The following DGKI variants were observed in gnomAD, a reference collection of about 807,000 sequenced individuals.
DGKI encodes the protein diacylglycerol kinase iota.
DGKI carries 55 observed loss-of-function variants against 147.5 expected under a neutral mutation model. The observed-to-expected ratio is 0.37, with a 90% CI of 0.30 to 0.47. The LOEUF is 0.47. Among genes scored for constraint, DGKI ranks in the 20% least tolerant of loss-of-function variants. DGKI has a pLI of 1.00. For missense variants in DGKI, 1,007 were observed against 1,323.8 expected, an observed-to-expected ratio of 0.76 and a Z score of 3.71; for synonymous variants, 469 against 477.1, an observed-to-expected ratio of 0.98 and a Z score of 0.22.
chr7:137,497,608 C>A (rs1482203094), intron 21 of DGKI, among the ~76,000 whole-genome samples: 1 of 151,856 alleles, frequency 6.6e-6, no homozygotes, highest in Non-Finnish European at 1.5e-5. Flanking sequence ...TACTACATAG[C>A]CATTAAAAAA....
intron 3 of DGKI, among the ~76,000 whole-genome samples, chr7:137,659,768 TA>T (rs1157499606): frequency 6.6e-6 from 1 of 152,140 alleles, no homozygotes; most frequent in East Asian, 1.9e-4. Flanking sequence ...TCGTCTCTAC[TA>T]AAAATACAAA....
intron 1 of DGKI, among the ~76,000 whole-genome samples, chr7:137,812,875 T>C (rs1295773161): frequency 1.3e-5 from 2 of 152,168 alleles, no homozygotes; most frequent in Non-Finnish European, 2.9e-5. Context: ...GCAATAACAA[T>C]ACAGGATGTC....
intron 1 of DGKI, among the ~76,000 whole-genome samples, chr7:137,778,321 A>G (rs543976444): frequency 2.6e-5 from 4 of 152,338 alleles, no homozygotes; most frequent in Non-Finnish European, 4.4e-5. Flanking sequence ...AAATGGTTCA[A>G]TAAAGCCAGA....
intron 20 of DGKI, among the ~76,000 whole-genome samples, chr7:137,527,175 A>G (rs953548660): frequency 1.3e-5 from 2 of 151,914 alleles, no homozygotes; most frequent in African/African-American, 4.8e-5. Flanking sequence ...TGTAGTGAGC[A>G]CTAAATGAGA....
intron 28 of DGKI, among the ~76,000 whole-genome samples, chr7:137,412,434 T>C (rs917496285): frequency 1.3e-5 from 2 of 152,134 alleles, no homozygotes; most frequent in African/African-American, 4.8e-5. Flanking sequence ...CCAGCCTTGG[T>C]ACAGTAAATA....
chr7:137,691,546 CA>C lies in DGKI; in HGVS notation c.402-1545del, dbSNP rs570102524. On this transcript the variant is annotated intron_variant, in intron 1 of 32. Coordinates refer to ENST00000614521, the MANE Select transcript of DGKI (RefSeq NM_001321708.2). ...TCCCCAAAGGAAAAGAAACTTGCCC[CA>C]TATAAACGGGAAGGAATAGGAACAG... 1.2e-4 allele frequency among the ~76,000 whole-genome samples: 18 copies of C among 152,268 alleles called. No homozygotes were observed. The South Asian group carries it at 3.7e-3, about 32-fold the overall frequency.
rs1323120316 is a variant in DGKI at position 137,466,939 on chromosome 7, G to T, written c.2447C>A (p.Thr816Asn). 1 of 1,614,000 alleles carries T rather than the reference G, an allele frequency of 6.2e-7. No individual in the cohort carries two copies. Among genetic ancestry groups the T allele is most frequent in the African/African-American group, 1.3e-5 (1 of 74,924 alleles). Residue 816 changes from threonine to asparagine, a missense_variant, in exon 25 of 33, where the codon ACT (threonine) becomes AAT (asparagine). Transcript: ENST00000614521. ...LSPRWCFLDA[T>N]SADRFYRIDR... ...TATTCGATAAAAGCGATCAGCAGAA[G>T]TTGCTAGGGGAAAAAAAATGCAGAT...
chr7:137,625,511 G>T (rs1185894332), intron 6 of DGKI, among the ~76,000 whole-genome samples: 2 of 152,054 alleles, frequency 1.3e-5, no homozygotes, highest in East Asian at 1.9e-4. Context: ...AAGGCTGCTT[G>T]CAAGGTTGGC....
intron 28 of DGKI, among the ~76,000 whole-genome samples, chr7:137,418,095 C>A (rs1448706521): frequency 6.6e-6 from 1 of 152,188 alleles, no homozygotes; most frequent in East Asian, 1.9e-4. Context: ...CATGGAGTTA[C>A]ATTTTGGCAA....
intron 28 of DGKI, among the ~76,000 whole-genome samples, chr7:137,421,253 A>T (rs1483964460): frequency 2.0e-5 from 3 of 152,180 alleles, no homozygotes; most frequent in African/African-American, 7.2e-5. Flanking sequence ...AGGCCATTAG[A>T]TACTACGGTG....
intron 20 of DGKI, among the ~76,000 whole-genome samples, chr7:137,550,383 C>A (rs998590767): frequency 6.6e-6 from 1 of 152,138 alleles, no homozygotes; most frequent in East Asian, 1.9e-4. Context: ...GCCGTGTTGA[C>A]CAGGCTGGTC....
rs550065713 is a variant in DGKI at position 137,526,970 on chromosome 7, G to A, written c.2148-5004C>T. ...TTCTCCAGGGTCACTTTTAAACCAC[G>A]GACTCCATTAACTCATTCTGTCACT... On this transcript the variant is annotated intron_variant, in intron 20 of 32. Coordinates refer to ENST00000614521, the MANE Select transcript of DGKI (RefSeq NM_001321708.2). Among the ~76,000 whole-genome samples the A allele has an allele frequency of 2.1e-3, 321 of 152,164 alleles. 2 individuals are homozygous for A. Among genetic ancestry groups the A allele is most frequent in the African/African-American group, 7.4e-3 (308 of 41,508 alleles).
chr7:137,417,528 G>A (rs1812404345), intron 28 of DGKI, among the ~76,000 whole-genome samples: 1 of 152,160 alleles, frequency 6.6e-6, no homozygotes, highest in Non-Finnish European at 1.5e-5. Context: ...TCTTAAGTCT[G>A]GGCTCTCAAG....
chr7:137,636,441 T>C (rs1408544686), intron 6 of DGKI, among the ~76,000 whole-genome samples: 1 of 152,148 alleles, frequency 6.6e-6, no homozygotes, highest in Non-Finnish European at 1.5e-5. Context: ...GCTCTAAAAA[T>C]GTACGATACA....
chr7:137,819,485 T>A (rs1197287936), intron 1 of DGKI, among the ~76,000 whole-genome samples: 1 of 152,018 alleles, frequency 6.6e-6, no homozygotes, highest in Non-Finnish European at 1.5e-5. Flanking sequence ...TAATTTTTTG[T>A]ATTTTTAGTA....
At chr7:137,650,993 G>A (rs1453962519) in intron 5 of DGKI, among the ~76,000 whole-genome samples, 7 of 152,192 alleles carry the variant, frequency 4.6e-5, no homozygotes, top group Non-Finnish European at 7.3e-5. Context: ...TGGCTGGAAG[G>A]GCAGGCAGGG....
chr7:137,663,889 G>T (rs1563139069), intron 3 of DGKI, among the ~76,000 whole-genome samples: 1 of 150,886 alleles, frequency 6.6e-6, no homozygotes, highest in Admixed American at 6.6e-5. Flanking sequence ...AGGAGAAAGG[G>T]CTTCTGACAT....
intron 1 of DGKI, among the ~76,000 whole-genome samples, chr7:137,811,384 TCACACACA>T (rs55647700): frequency 0.046 from 6,131 of 131,966 alleles, 257 homozygotes; most frequent in African/African-American, 0.1. Flanking sequence ...TCTCTCTCTC[TCACACACA>T]CACACACACA....
At chr7:137,498,906 T>C (rs1282845558) in intron 21 of DGKI, among the ~76,000 whole-genome samples, 1 of 152,162 alleles carries the variant, frequency 6.6e-6, no homozygotes, top group East Asian at 1.9e-4. Flanking sequence ...ATTCATTTGA[T>C]AGCTAGAACT....
Sources: gnomAD v4.1 joint callset for allele counts (sites outside exome capture counted in the v4.1 genomes callset) on GRCh38, gnomAD v4.1.1 for gene constraint, MANE v1.5 for transcripts, NCBI Gene and HGNC (gene_info 2026-07-23, HGNC 2026-07-21) for gene names.